Variants in MOV10 observed in about 807,000 individuals in gnomAD.
MOV10 encodes Mov10 RNA helicase.
MOV10 carries 39 observed loss-of-function variants against 108.4 expected under a neutral mutation model. The observed-to-expected ratio is 0.36, with a 90% CI of 0.28 to 0.47. The LOEUF (loss-of-function observed/expected upper bound fraction) is 0.47, where lower values mean the gene tolerates loss of function less well. MOV10 is among the 20% of genes least tolerant of loss of function. The probability of loss-of-function intolerance (pLI) is 1.00; values close to 1 mark genes in which losing one functional copy is unlikely to be tolerated. For missense variants in MOV10, 952 were observed against 1,297.6 expected, an observed-to-expected ratio of 0.73 and a Z score of 4.09; for synonymous variants, 490 against 523.1, an observed-to-expected ratio of 0.94 and a Z score of 0.86.
At position 112,691,808 on chromosome 1, in the gene MOV10, C is replaced by CA. The variant is rs1241373395; in HGVS notation, c.971+10dup. 4 of 1,610,696 alleles carry CA rather than the reference C, an allele frequency of 2.5e-6. No homozygotes were observed. Among genetic ancestry groups the CA allele is most frequent in the Non-Finnish European group, 3.4e-6 (4 of 1,177,252 alleles). ...GAGATCGCAGAGATCAAGTAAGTAC[C>CA]ATCCCTCTGCACCCCGCACTCTCCC... On this transcript the variant is annotated intron_variant, in intron 6 of 20. Transcript: ENST00000369645.
At chr1:112,698,145 C>A (rs775250958) in intron 15 of MOV10, 34 bp downstream of exon 15, 2 of 1,601,354 alleles carry the variant, frequency 1.2e-6, no homozygotes, top group South Asian at 2.2e-5. Context: ...CACCCCTGTA[C>A]CCTGACTTCC....
intron 5 of MOV10, 119 bp downstream of exon 5, chr1:112,690,217 T>G: frequency 7.7e-7 from 1 of 1,293,906 alleles, no homozygotes; most frequent in South Asian, 1.5e-5. Flanking sequence ...TCTTCACTCT[T>G]CTGGGTCTCA....
intron 2 of MOV10, among the ~76,000 whole-genome samples, chr1:112,678,511 T>C (rs1013400860): frequency 6.6e-6 from 1 of 152,052 alleles, no homozygotes; most frequent in Non-Finnish European, 1.5e-5. Flanking sequence ...CCAGTATGCA[T>C]TGAGAGTATA....
At position 112,675,170 on chromosome 1, in the gene MOV10, G is replaced by A; in HGVS notation, c.137+121G>A. 8.4e-7 allele frequency: 1 copy of A among 1,197,506 alleles called. No individual in the cohort carries two copies. Among genetic ancestry groups the A allele is most frequent in the East Asian group, 3.1e-5 (1 of 31,918 alleles). 74.2% of individuals were successfully genotyped at this position (1,197,506 alleles called of 1,614,324 possible). A position where few individuals can be genotyped will look rare whatever the true frequency, so the allele number is the denominator to read the frequency against. ...GGACGCAGCTCCCCCAGCGGCTCAG[G>A]CCAGTCCCGGGGCGGCGCAGACCTC... On this transcript the variant is annotated intron_variant, in intron 2 of 20. Transcript: ENST00000369645. The surrounding 1 kb of genome is among the most constrained non-coding windows in gnomAD (Gnocchi z 4.7).
At chr1:112,678,619 G>C (rs1672381623) in intron 2 of MOV10, among the ~76,000 whole-genome samples, 2 of 151,974 alleles carry the variant, frequency 1.3e-5, no homozygotes, top group African/African-American at 4.8e-5. Flanking sequence ...GAATCTTGAA[G>C]GATTAATGGG....
In MOV10 at chr1:112,675,044, G is replaced by A. The variant is rs760035515; in HGVS notation, c.132G>A (p.Lys44=). The part of the protein sequence containing the change: ...RLRTIYNRDF[K]ISFGTPAPGF... ...GGACCATTTATAACCGCGACTTCAA[G>A]ATCAGGTACGGGCCGGCCCACTCCC... Residue 44 remains lysine, a synonymous_variant, in exon 2 of 21, where the codon AAG becomes AAA. Coordinates refer to ENST00000369645, the MANE Select transcript of MOV10 (RefSeq NM_001321324.2). The surrounding 1 kb of genome is among the most constrained non-coding windows in gnomAD (Gnocchi z 4.7). The A allele has an allele frequency of 6.3e-7, 1 of 1,596,160 alleles. No individual in the cohort carries two copies. Among genetic ancestry groups the A allele is most frequent in the Non-Finnish European group, 8.5e-7 (1 of 1,171,832 alleles).
rs1054981000 is a variant in MOV10, at chr1:112,694,962, G to A, written c.1620+66G>A. ...CCCCAGCACCAAGCAGTTGTCCCCA[G>A]ATTCTAGTTCCTTCCCACTCCCGAA... On this transcript the variant is annotated intron_variant, in intron 10 of 20. Transcript: ENST00000369645. This position sits in a 1 kb window ranked among gnomAD's most constrained non-coding sequence, Gnocchi z 4.1. The A allele has an allele frequency of 3.2e-5, 49 of 1,530,794 alleles. No individual in the cohort carries two copies. The highest frequency in any genetic ancestry group is 4.3e-5 in the Non-Finnish European group (49 of 1,130,568). 94.8% of individuals were successfully genotyped at this position (1,530,794 alleles called of 1,614,324 possible).
intron 14 of MOV10, chr1:112,697,755 T>C: frequency 2.2e-6 from 1 of 453,384 alleles, no homozygotes; most frequent in Non-Finnish European, 4.0e-6. Flanking sequence ...AATTATTTAG[T>C]TTTAAATGTC....
intron 2 of MOV10, among the ~76,000 whole-genome samples, chr1:112,676,742 G>A (rs929499137): frequency 1.3e-5 from 2 of 152,200 alleles, no homozygotes; most frequent in Non-Finnish European, 2.9e-5. Flanking sequence ...GCGTGGTCAT[G>A]CATCAAGGGT....
chr1:112,685,689 A>G (rs1046451653), intron 2 of MOV10, among the ~76,000 whole-genome samples: 1 of 151,092 alleles, frequency 6.6e-6, no homozygotes, highest in Admixed American at 6.6e-5. Context: ...AATAAAATAT[A>G]AAATAAAATA....
chr1:112,697,397 G>C (rs769717583), intron 14 of MOV10, among the ~76,000 whole-genome samples: 1 of 152,184 alleles, frequency 6.6e-6, no homozygotes, highest in Non-Finnish European at 1.5e-5. Flanking sequence ...TTGTACCCGG[G>C]AGGCAGAGGT....
chr1:112,700,436 C>G lies in MOV10; in HGVS notation c.2941C>G (p.Leu981Val), dbSNP rs775164567. ...TCCAGGGCCCCACAGCCATGACTAC[C>G]TCCCCCAGGAGCGGGAGGGTGAAGG... ...STSGPHSHDY[L>V]PQEREGEGGL... The change falls in exon 21 of 21, where the codon CTC becomes GTC. Residue 981 changes from leucine to valine, a missense_variant. This residue lies in a region of MOV10 where 42 missense variants were observed against 36.5 expected (regional missense o/e 1.15). Transcript: ENST00000369645. 2 of 1,613,748 alleles carry G rather than the reference C, an allele frequency of 1.2e-6. No homozygotes were observed. The highest frequency in any genetic ancestry group is 1.7e-6 in the Non-Finnish European group (2 of 1,179,834).
rs1356051346 is a variant in MOV10 at position 112,674,992 on chromosome 1, A to G, written c.80A>G (p.Asp27Gly). The G allele has an allele frequency of 6.3e-7, 1 of 1,582,898 alleles. No individual in the cohort carries two copies. Residue 27 changes from aspartate to glycine, a missense_variant, in exon 2 of 21, where the codon GAC becomes GGC. Physicochemically the swap from Asp to Gly is moderately conservative, Grantham distance 94. Coordinates refer to ENST00000369645, the MANE Select transcript of MOV10 (RefSeq NM_001321324.2). Reference sequence around the variant, plus strand: ...AGTTTCCTGGTCGTTCGGGGACTGGACATGGAGACAGATCGCGAGCGGCTG... The same window carrying G: ...AGTTTCCTGGTCGTTCGGGGACTGGGCATGGAGACAGATCGCGAGCGGCTG... Reference protein sequence around the residue: ...FESFLVVRGLDMETDRERLRT... With the variant: ...FESFLVVRGLGMETDRERLRT...
At chr1:112,691,843 C>A (rs1364981950) in intron 6 of MOV10, 44 bp downstream of exon 6, 1 of 1,588,042 alleles carries the variant, frequency 6.3e-7, no homozygotes, top group Admixed American at 1.7e-5. Flanking sequence ...CGTCTTTTAC[C>A]TACTGGCTTC....
In MOV10 at chr1:112,694,421, A is replaced by C. The variant is rs777476136; in HGVS notation, c.1296-32A>C. 2.0e-5 allele frequency: 33 copies of C among 1,613,176 alleles called. No individual in the cohort carries two copies. The highest frequency in any genetic ancestry group is 1.7e-5 in the Admixed American group (1 of 59,972). ...CTTTATTGCCCACCTCCCCTGCCCCAACAAACTCTTACCACCTCTCTCTGC... is the reference window on the plus strand; with the variant it reads ...CTTTATTGCCCACCTCCCCTGCCCCCACAAACTCTTACCACCTCTCTCTGC... On this transcript the variant is annotated intron_variant, in intron 8 of 20. Coordinates refer to ENST00000369645, the MANE Select transcript of MOV10 (RefSeq NM_001321324.2). The surrounding 1 kb of genome is among the most constrained non-coding windows in gnomAD (Gnocchi z 4.1).
In MOV10 at chr1:112,698,181, C is replaced by T. The variant is rs1674283630; in HGVS notation, c.2316+70C>T. ...CTCCCACTGAAGGTGCAGCCCCTCC[C>T]TTTGTCACCTTGGCCTAGGATCTCT... On this transcript the variant is annotated intron_variant, in intron 15 of 20. Transcript: ENST00000369645. The T allele has an allele frequency of 2.5e-6, 4 of 1,592,702 alleles. No homozygotes were observed. In the South Asian group the frequency reaches 3.3e-5, roughly 13 times the overall value.
In MOV10 at chr1:112,698,032, A is replaced by G. The variant is rs149009106; in HGVS notation, c.2237A>G (p.Tyr746Cys). ...ATCCTGGACATTCCTAACCAGCTCT[A>G]TTATGAAGGGGAGCTGCAGGCCTGT... ...PTILDIPNQL[Y>C]YEGELQACAD... is the part of the protein sequence containing the mutation. The change falls in exon 15 of 21, where the codon TAT (tyrosine) becomes TGT (cysteine). Residue 746 changes from tyrosine to cysteine, a missense_variant. Physicochemically the swap from Tyr to Cys is radical, Grantham distance 194. Around this residue, in one of 5 missense-constraint regions of MOV10, gnomAD observed 453 missense variants for 611.5 expected, o/e 0.74. Transcript: ENST00000369645. 1 of 1,614,170 alleles carries G rather than the reference A, an allele frequency of 6.2e-7. No homozygotes were observed. Among genetic ancestry groups the G allele is most frequent in the Non-Finnish European group, 8.5e-7 (1 of 1,180,004 alleles).
intron 2 of MOV10, among the ~76,000 whole-genome samples, chr1:112,682,941 A>G (rs1672783134): frequency 7.5e-6 from 1 of 133,938 alleles, no homozygotes; most frequent in African/African-American, 2.8e-5. Context: ...TTTTTTTGAG[A>G]CGGAGTCTTG....
chr1:112,698,740 C>T lies in MOV10; in HGVS notation c.2534C>T (p.Thr845Ile). Reference sequence around the variant, plus strand: ...GTGGAGAAAATCCGTTACTGCATCACCAAACTTGACAGGGAGCTTCGAGGA... The same window carrying T: ...GTGGAGAAAATCCGTTACTGCATCATCAAACTTGACAGGGAGCTTCGAGGA... Reference protein sequence around the residue: ...KQVEKIRYCITKLDRELRGLD... With the variant: ...KQVEKIRYCIIKLDRELRGLD... Residue 845 changes from threonine (T) to isoleucine (I), a missense_variant, in exon 17 of 21, where the codon ACC becomes ATC. Physicochemically the swap from Thr to Ile is moderately conservative, Grantham distance 89. Around this residue, in one of 5 missense-constraint regions of MOV10, gnomAD observed 453 missense variants for 611.5 expected, o/e 0.74. Transcript: ENST00000369645. The T allele has an allele frequency of 6.2e-7, 1 of 1,614,200 alleles. No homozygotes were observed.
Sources: allele counts gnomAD v4.1 joint callset (sites outside exome capture counted in the v4.1 genomes callset), GRCh38; gene constraint gnomAD v4.1.1; regional missense constraint gnomAD v4.1.1; non-coding constraint Gnocchi (gnomAD v3.1); transcripts MANE v1.5; gene names NCBI Gene and HGNC (gene_info 2026-07-23, HGNC 2026-07-21).